The following UCHL3 variants were observed in gnomAD, a reference collection of about 807,000 sequenced individuals.
UCHL3 encodes the protein ubiquitin carboxyl-terminal hydrolase isozyme L3.
UCHL3 carries 22 observed loss-of-function variants against 35.8 expected under a neutral mutation model. The observed-to-expected ratio is 0.61, with a 90% confidence interval of 0.44 to 0.88. The LOEUF (loss-of-function observed/expected upper bound fraction) is 0.88, where lower values mean the gene tolerates loss of function less well. Ranked by LOEUF, UCHL3 falls within the 40% of genes least tolerant of loss-of-function variation. The probability of loss-of-function intolerance (pLI) is 0.00; values close to 1 mark genes in which losing one functional copy is unlikely to be tolerated. For synonymous variants in UCHL3, 90 were observed against 92.8 expected, an observed-to-expected ratio of 0.97 and a Z score of 0.17; for missense variants, 229 against 276.9, an observed-to-expected ratio of 0.83 and a Z score of 1.23.
At chr13:75,569,964 C>G (rs924189933) in intron 6 of UCHL3, among the ~76,000 whole-genome samples, 1 of 152,062 alleles carries the variant, frequency 6.6e-6, no homozygotes, top group Non-Finnish European at 1.5e-5. Context: ...CCATCTTTAC[C>G]CTGTTAGCTA....
intron 5 of UCHL3, among the ~76,000 whole-genome samples, chr13:75,567,721 T>A (rs2138493953): frequency 6.6e-6 from 1 of 152,220 alleles, no homozygotes; most frequent in African/African-American, 2.4e-5. Context: ...CTAATTTTTG[T>A]ATTTTTAGTA....
At chr13:75,593,402 A>G (rs1397429703) in intron 6 of UCHL3, among the ~76,000 whole-genome samples, 1 of 152,224 alleles carries the variant, frequency 6.6e-6, no homozygotes, top group African/African-American at 2.4e-5. Context: ...CTGTCTTCAC[A>G]TATTTAAAGA....
intron 7 of UCHL3, among the ~76,000 whole-genome samples, chr13:75,601,482 C>T (rs1024584335): frequency 6.6e-6 from 1 of 152,228 alleles, no homozygotes; most frequent in African/African-American, 2.4e-5. Context: ...AACATCAAAG[C>T]AAGCCCCTCC....
chr13:75,578,333 C>A (rs2032084369), intron 6 of UCHL3, among the ~76,000 whole-genome samples: 1 of 152,038 alleles, frequency 6.6e-6, no homozygotes, highest in Admixed American at 6.5e-5. Flanking sequence ...TCCCTGTTAT[C>A]TAAGTATTCT....
At chr13:75,592,108 ATTAAAT>A (rs1317738983) in intron 6 of UCHL3, among the ~76,000 whole-genome samples, 1 of 152,022 alleles carries the variant, frequency 6.6e-6, no homozygotes, top group African/African-American at 2.4e-5. Context: ...ACAATTATAC[ATTAAAT>A]TTAGTGTATA....
chr13:75,555,759 A>C (rs2138454762), intron 2 of UCHL3, among the ~76,000 whole-genome samples: 1 of 152,284 alleles, frequency 6.6e-6, no homozygotes, highest in South Asian at 2.1e-4. Context: ...TTAAATTAAA[A>C]AAATTTATTT....
rs542587408 is a variant in UCHL3 at position 75,560,695 on chromosome 13, A to T, written c.55-58A>T. 18 of 1,471,332 alleles carry T rather than the reference A, an allele frequency of 1.2e-5. No individual in the cohort carries two copies. In the African/African-American group the frequency reaches 2.6e-4, roughly 21 times the overall value. The allele number at this position is 1,471,332 out of a possible 1,614,324, so 91.1% of individuals were successfully genotyped here. ...CTTTTAACACTATGTATAGTATACT[A>T]GTTTTCTTTTACCAACTAATGTTCC... On this transcript the variant is annotated intron_variant, in intron 2 of 8. Transcript: ENST00000377595.
chr13:75,588,737 G>T (rs899238989), intron 6 of UCHL3, among the ~76,000 whole-genome samples: 1 of 152,114 alleles, frequency 6.6e-6, no homozygotes, highest in East Asian at 1.9e-4. Context: ...TTCCTTAAGA[G>T]AAATCTATTA....
chr13:75,591,176 C>T (rs2032469104), intron 6 of UCHL3, among the ~76,000 whole-genome samples: 1 of 152,190 alleles, frequency 6.6e-6, no homozygotes, highest in South Asian at 2.1e-4. Context: ...CCCTTATTTA[C>T]CCTTCTAGTG....
intron 6 of UCHL3, among the ~76,000 whole-genome samples, chr13:75,577,478 T>C (rs2032059192): frequency 6.6e-6 from 1 of 152,194 alleles, no homozygotes; most frequent in African/African-American, 2.4e-5. Flanking sequence ...CTTGTGAGCA[T>C]CTGTGGATTT....
chr13:75,570,437 C>G (rs999019882), intron 6 of UCHL3, among the ~76,000 whole-genome samples: 1 of 152,042 alleles, frequency 6.6e-6, no homozygotes. Flanking sequence ...GGGGTTTCCC[C>G]GTGTTAGCCA....
rs1314424539 is a variant in UCHL3, at chr13:75,560,807, A to G, written c.109A>G (p.Met37Val). Residue 37 changes from methionine (M) to valine (V), a missense_variant, in exon 3 of 9, where the codon ATG (methionine) becomes GTG (valine). Met to Val is a conservative substitution (Grantham distance 21). Transcript: ENST00000377595. ...CTGGCAATTCGTTGATGTATATGGA[A>G]TGGATCCTGAACTCCTTAGCATGGT... ...PNWQFVDVYG[M>V]DPELLSMVPR... The G allele has an allele frequency of 6.3e-7, 1 of 1,598,810 alleles. No individual in the cohort carries two copies.
rs927288172 is a variant in UCHL3, at chr13:75,579,122, C to G, written c.474+9615C>G. The stretch of plus-strand genomic sequence containing the variant: ...AATGATTTACGCACAAATTGAGGTG[C>G]TCACATATTTATTTCCCTCCTTTTG... On this transcript the variant is annotated intron_variant, in intron 6 of 8. Transcript: ENST00000377595. 2.6e-5 allele frequency among the ~76,000 whole-genome samples: 4 copies of G among 152,226 alleles called. No homozygotes were observed. In the South Asian group the frequency reaches 8.3e-4, roughly 32 times the overall value.
intron 3 of UCHL3, among the ~76,000 whole-genome samples, chr13:75,565,942 G>T (rs2031670039): frequency 1.3e-5 from 2 of 152,138 alleles, no homozygotes; most frequent in African/African-American, 4.8e-5. Flanking sequence ...CCACATTTTT[G>T]ATGCTTATTA....
At chr13:75,569,410 A>G in intron 5 of UCHL3, 50 bp from the exon 6 acceptor site, 1 of 1,472,584 alleles carries the variant, frequency 6.8e-7, no homozygotes, top group Non-Finnish European at 9.2e-7. Flanking sequence ...TTCATTTAAA[A>G]AGTTGAGTAT....
At chr13:75,604,664 C>T (rs951884933) in intron 7 of UCHL3, 105 bp from the exon 8 acceptor site, 1 of 773,126 alleles carries the variant, frequency 1.3e-6, no homozygotes, top group African/African-American at 1.8e-5. Context: ...TTGAAAATGG[C>T]TTTTAACTTT....
At chr13:75,585,332 A>T (rs2032294479) in intron 6 of UCHL3, among the ~76,000 whole-genome samples, 1 of 152,218 alleles carries the variant, frequency 6.6e-6, no homozygotes, top group African/African-American at 2.4e-5. Flanking sequence ...CAGAGTAGAT[A>T]CTAAGAATTC....
chr13:75,599,641 C>T (rs2032728606), intron 7 of UCHL3, among the ~76,000 whole-genome samples: 1 of 152,030 alleles, frequency 6.6e-6, no homozygotes, highest in Non-Finnish European at 1.5e-5. Flanking sequence ...CAAACTATAC[C>T]CATATATGCT....
At chr13:75,554,662 TTAAA>T (rs2138451503) in intron 2 of UCHL3, among the ~76,000 whole-genome samples, 1 of 152,370 alleles carries the variant, frequency 6.6e-6, no homozygotes, top group East Asian at 1.9e-4. Flanking sequence ...CAAAGTGGCC[TTAAA>T]TAAATGAGAA....
Sources: allele counts gnomAD v4.1 joint callset (sites outside exome capture counted in the v4.1 genomes callset), GRCh38; gene constraint gnomAD v4.1.1; transcripts MANE v1.5; gene names NCBI Gene and HGNC (gene_info 2026-07-23, HGNC 2026-07-21).